The following GIGYF2 variants were observed in gnomAD, a reference collection of about 807,000 sequenced individuals.
The protein encoded by GIGYF2 is GRB10 interacting GYF protein 2.
In GIGYF2, 25 loss-of-function variants were observed where a neutral mutation model predicts 208.1. The observed-to-expected ratio is 0.12, with a 90% CI of 0.09 to 0.17. The LOEUF (loss-of-function observed/expected upper bound fraction) is 0.17, where lower values mean the gene tolerates loss of function less well. GIGYF2 is among the 10% of genes least tolerant of loss of function. The pLI is 1.00. For missense variants in GIGYF2, 1,302 were observed against 1,579.4 expected, an observed-to-expected ratio of 0.82 and a Z score of 2.98; for synonymous variants, 534 against 543.8, an observed-to-expected ratio of 0.98 and a Z score of 0.25.
chr2:232,814,457 G>A (rs946484739), intron 18 of GIGYF2, among the ~76,000 whole-genome samples: 13 of 151,210 alleles, frequency 8.6e-5, no homozygotes, highest in African/African-American at 1.7e-4. Context: ...CAGCTACTCC[G>A]GAGGCTGAGG....
At chr2:232,751,853 G>A (rs1365701938) in intron 5 of GIGYF2, among the ~76,000 whole-genome samples, 4 of 152,170 alleles carry the variant, frequency 2.6e-5, no homozygotes, top group Non-Finnish European at 5.9e-5. Flanking sequence ...TGTTGCTTGG[G>A]ATCTGTTGGT....
At position 232,801,271 on chromosome 2, in the gene GIGYF2, G is replaced by A. The variant is rs187268698; in HGVS notation, c.1639+5050G>A. On this transcript the variant is annotated intron_variant, in intron 14 of 28. Transcript: ENST00000373563. The stretch of plus-strand genomic sequence containing the variant: ...GGGCTGGGCGTGGTGGCTCATGCCT[G>A]TAATCTCAGCACTTTGGGAGTCTGA... Among the ~76,000 whole-genome samples the A allele has an allele frequency of 5.1e-3, 783 of 152,150 alleles. 4 individuals carry two copies. The highest frequency in any genetic ancestry group is 0.018 in the African/African-American group (758 of 41,498).
chr2:232,705,116 C>T (rs1271228418), intron 2 of GIGYF2, among the ~76,000 whole-genome samples: 1 of 152,014 alleles, frequency 6.6e-6, no homozygotes, highest in Admixed American at 6.6e-5. Context: ...GCCTCGGCCT[C>T]CCAAAGTGCT....
chr2:232,844,647 G>C, intron 25 of GIGYF2, 73 bp downstream of exon 25: 1 of 986,336 alleles, frequency 1.0e-6, no homozygotes, highest in Non-Finnish European at 1.6e-6. Context: ...TGGGATGTTG[G>C]GTGGGCAGGA....
intron 6 of GIGYF2, among the ~76,000 whole-genome samples, chr2:232,759,076 C>T (rs1432001560): frequency 6.6e-6 from 1 of 152,052 alleles, no homozygotes; most frequent in East Asian, 1.9e-4. Flanking sequence ...TCCATTGTTT[C>T]TAAGATTACC....
chr2:232,819,725 C>T, intron 20 of GIGYF2, 102 bp from the exon 21 acceptor site: 1 of 713,818 alleles, frequency 1.4e-6, no homozygotes, highest in Non-Finnish European at 2.5e-6. Flanking sequence ...TTAACAGAGT[C>T]TTAGCAGCAG....
intron 27 of GIGYF2, 123 bp downstream of exon 27, chr2:232,847,694 A>G: frequency 7.5e-7 from 1 of 1,327,672 alleles, no homozygotes; most frequent in African/African-American, 1.4e-5. Context: ...CATGCTTTAA[A>G]AAATGTGTAT....
At chr2:232,698,130 A>G (rs1436976220) in intron 1 of GIGYF2, 2 of 152,246 alleles carry the variant, frequency 1.3e-5, no homozygotes, top group African/African-American at 4.8e-5. Flanking sequence ...TTTGCGACTG[A>G]AACATAAATC....
chr2:232,844,990 A>G (rs945358570), intron 25 of GIGYF2, among the ~76,000 whole-genome samples: 4 of 152,190 alleles, frequency 2.6e-5, no homozygotes, highest in Non-Finnish European at 4.4e-5. Context: ...TTATTTTTAT[A>G]AGTTAGTTAC....
Position 232,711,705 on chromosome 2 carries a change from G to GTGTATATA in GIGYF2, c.-44+8217_-44+8218insGTATATAT, listed in dbSNP as rs147184549. Among the ~76,000 whole-genome samples the GTGTATATA allele has an allele frequency of 6.4e-3, 745 of 115,766 alleles. 12 individuals carry two copies. Among genetic ancestry groups the GTGTATATA allele is most frequent in the African/African-American group, 0.022 (703 of 31,568 alleles). The allele number at this position is 115,766 out of a possible 152,430, so 75.9% of individuals were successfully genotyped here. A position where few individuals can be genotyped will look rare whatever the true frequency, so the allele number is the denominator to read the frequency against. On this transcript the variant is annotated intron_variant, in intron 2 of 28. Coordinates refer to ENST00000373563, the MANE Select transcript of GIGYF2 (RefSeq NM_001103146.3). The stretch of plus-strand genomic sequence containing the variant: ...GAAGGAAAATTATCCTCACAATGAT[G>GTGTATATA]TATATATATATATATATATATAGTT...
At chr2:232,759,559 A>G (rs1246008973) in intron 6 of GIGYF2, among the ~76,000 whole-genome samples, 1 of 152,156 alleles carries the variant, frequency 6.6e-6, no homozygotes, top group Non-Finnish European at 1.5e-5. Flanking sequence ...ATCATTCTTC[A>G]GTATGTTCTT....
intron 3 of GIGYF2, among the ~76,000 whole-genome samples, chr2:232,739,437 C>T (rs1361557483): frequency 7.1e-6 from 1 of 141,588 alleles, no homozygotes. Context: ...CTTTGGGAGG[C>T]AGAGGCATGA....
At chr2:232,748,299 T>C (rs1374981857) in intron 4 of GIGYF2, among the ~76,000 whole-genome samples, 1 of 152,230 alleles carries the variant, frequency 6.6e-6, no homozygotes, top group African/African-American at 2.4e-5. Flanking sequence ...TACTTTTTTT[T>C]TGAGACAGAG....
At chr2:232,760,764 A>G (rs921524627) in intron 7 of GIGYF2, 173 bp downstream of exon 7, 2 of 578,726 alleles carry the variant, frequency 3.5e-6, no homozygotes, top group Non-Finnish European at 6.2e-6. Flanking sequence ...TCTTATTTAA[A>G]GGAAGACGGA....
At chr2:232,825,556 T>C (rs1029146811) in intron 21 of GIGYF2, among the ~76,000 whole-genome samples, 2 of 152,154 alleles carry the variant, frequency 1.3e-5, no homozygotes, top group Non-Finnish European at 2.9e-5. Flanking sequence ...CAGCAGTTGC[T>C]TCTTATGGAA....
chr2:232,815,833 A>G, intron 19 of GIGYF2, 96 bp downstream of exon 19: 2 of 734,508 alleles, frequency 2.7e-6, no homozygotes, highest in Admixed American at 2.0e-5. Flanking sequence ...TATGCTTTTT[A>G]CTTTCAGTTT....
chr2:232,727,886 T>C (rs1697279776), intron 2 of GIGYF2, among the ~76,000 whole-genome samples: 1 of 152,240 alleles, frequency 6.6e-6, no homozygotes, highest in Non-Finnish European at 1.5e-5. Flanking sequence ...TTCAAAACCA[T>C]CCTCGTTATC....
intron 15 of GIGYF2, among the ~76,000 whole-genome samples, chr2:232,807,003 C>G (rs989701958): frequency 2.0e-5 from 3 of 152,174 alleles, no homozygotes; most frequent in Non-Finnish European, 2.9e-5. Flanking sequence ...AAGCTCATTT[C>G]AGAGCTTTTA....
chr2:232,759,006 G>A (rs1698648542), intron 6 of GIGYF2, among the ~76,000 whole-genome samples: 1 of 152,238 alleles, frequency 6.6e-6, no homozygotes, highest in East Asian at 1.9e-4. Context: ...TAGTTCCACC[G>A]TGCTTCTCAC....
Sources: allele counts gnomAD v4.1 joint callset (sites outside exome capture counted in the v4.1 genomes callset), GRCh38; gene constraint gnomAD v4.1.1; transcripts MANE v1.5; gene names NCBI Gene and HGNC (gene_info 2026-07-23, HGNC 2026-07-21).